Variants in TRAPPC12 observed in about 807,000 individuals in gnomAD.
The protein encoded by TRAPPC12 is TPR repeat protein 15.
TRAPPC12 carries 61 observed loss-of-function variants against 69.2 expected under a neutral mutation model. The observed-to-expected ratio is 0.88, with a 90% CI of 0.72 to 1.09. The LOEUF is 1.09. Ranked by LOEUF, TRAPPC12 falls within the 50% of genes least tolerant of loss-of-function variation. TRAPPC12 has a pLI of 0.00. For synonymous variants in TRAPPC12, 469 were observed against 438.9 expected, an observed-to-expected ratio of 1.07 and a Z score of -0.86; for missense variants, 1,101 against 1,016.4, an observed-to-expected ratio of 1.08 and a Z score of -1.13.
chr2:3,465,654 G>A lies in TRAPPC12; in HGVS notation c.1735G>A (p.Glu579Lys), dbSNP rs1436796623. 2 of 1,614,208 alleles carry A rather than the reference G, an allele frequency of 1.2e-6. No individual in the cohort carries two copies. Among genetic ancestry groups the A allele is most frequent in the South Asian group, 2.2e-5 (2 of 91,088 alleles). The change falls in exon 9 of 12, where the codon GAG (glutamate) becomes AAG (lysine). Residue 579 changes from glutamate to lysine, a missense_variant. Transcript: ENST00000324266. ...GGTTATCAAGTATTACCCAGAGCAA[G>A]AGCCCCAGCTGCTCAGCGGCATCGG... ...HSVIKYYPEQ[E>K]PQLLSGIGRI...
At chr2:3,427,753 C>T (rs1040530685) in intron 5 of TRAPPC12, among the ~76,000 whole-genome samples, 4 of 152,170 alleles carry the variant, frequency 2.6e-5, no homozygotes. Context: ...ATTAGCCGGA[C>T]ATGGTGGTGC....
At chr2:3,443,640 C>T (rs1423160798) in intron 5 of TRAPPC12, 139 bp from the exon 6 acceptor site, 5 of 702,214 alleles carry the variant, frequency 7.1e-6, no homozygotes, top group East Asian at 5.4e-5. Flanking sequence ...TAGTTGACAC[C>T]GTTAAATACT....
At chr2:3,418,394 A>G (rs1662570380) in intron 3 of TRAPPC12, among the ~76,000 whole-genome samples, 1 of 152,172 alleles carries the variant, frequency 6.6e-6, no homozygotes, top group Non-Finnish European at 1.5e-5. Flanking sequence ...GTCCTCAGGT[A>G]TCAGACGCAA....
chr2:3,469,282 C>T (rs1020042278), intron 9 of TRAPPC12, among the ~76,000 whole-genome samples: 11 of 152,162 alleles, frequency 7.2e-5, no homozygotes, highest in African/African-American at 1.4e-4. Flanking sequence ...GGTGCCACTA[C>T]GGAAGCAAAG....
At chr2:3,406,380 G>A (rs937904556) in intron 3 of TRAPPC12, among the ~76,000 whole-genome samples, 14 of 152,244 alleles carry the variant, frequency 9.2e-5, no homozygotes, top group African/African-American at 3.1e-4. Context: ...GTTCTTTACC[G>A]TATTTACAGA....
At chr2:3,468,510 G>C (rs2103159994) in intron 9 of TRAPPC12, among the ~76,000 whole-genome samples, 1 of 152,234 alleles carries the variant, frequency 6.6e-6, no homozygotes, top group Admixed American at 6.5e-5. Context: ...TCTGTGTCCT[G>C]CCTGGGACAT....
At chr2:3,383,637 C>G (rs1660333670) in intron 1 of TRAPPC12, among the ~76,000 whole-genome samples, 2 of 151,650 alleles carry the variant, frequency 1.3e-5, no homozygotes, top group Admixed American at 6.6e-5. Flanking sequence ...GAACTCCTGA[C>G]CTCGTGATAC....
At chr2:3,459,520 G>A (rs988573008) in intron 7 of TRAPPC12, among the ~76,000 whole-genome samples, 1 of 152,202 alleles carries the variant, frequency 6.6e-6, no homozygotes, top group East Asian at 1.9e-4. Flanking sequence ...AGGCCACAAA[G>A]CCAGTTTGGA....
intron 9 of TRAPPC12, 25 bp downstream of exon 9, chr2:3,465,720 G>A (rs993167710): frequency 2.6e-5 from 39 of 1,517,994 alleles, no homozygotes; most frequent in Non-Finnish European, 3.6e-5. Context: ...TCAGACATGA[G>A]CCAGAAAGGC....
At chr2:3,470,467 C>T (rs1666013448) in intron 9 of TRAPPC12, among the ~76,000 whole-genome samples, 1 of 152,386 alleles carries the variant, frequency 6.6e-6, no homozygotes, top group African/African-American at 2.4e-5. Flanking sequence ...TGATCACCCT[C>T]TCAGCTGATA....
In TRAPPC12 at chr2:3,414,563, C is replaced by T. The variant is rs1177501033; in HGVS notation, c.1165-7318C>T. ...TGACCCCATCCCCCAGCTGTCCCCG[C>T]TGTGCAGTGCCTTGAACGTGCTCTG... On this transcript the variant is annotated intron_variant, in intron 3 of 11. Transcript: ENST00000324266. The surrounding 1 kb of genome is among the most constrained non-coding windows in gnomAD (Gnocchi z 4.9). 6.6e-6 allele frequency among the ~76,000 whole-genome samples: 1 copy of T among 151,574 alleles called. No homozygotes were observed. The highest frequency in any genetic ancestry group is 1.5e-5 in the Non-Finnish European group (1 of 67,926).
chr2:3,406,979 T>C (rs557628964), intron 3 of TRAPPC12, among the ~76,000 whole-genome samples: 3 of 152,288 alleles, frequency 2.0e-5, no homozygotes, highest in East Asian at 3.9e-4. Flanking sequence ...AGGTGAAAAA[T>C]GTATTTATGA....
intron 3 of TRAPPC12, among the ~76,000 whole-genome samples, chr2:3,418,646 CTG>C (rs1273754061): frequency 6.6e-6 from 1 of 152,168 alleles, no homozygotes; most frequent in Admixed American, 6.5e-5. Flanking sequence ...AGGCTGGGCT[CTG>C]GGTTCCTGTG....
At chr2:3,475,508 G>C (rs1395283435) in intron 9 of TRAPPC12, among the ~76,000 whole-genome samples, 1 of 140,024 alleles carries the variant, frequency 7.1e-6, no homozygotes, top group Non-Finnish European at 1.6e-5. Flanking sequence ...TTTTTCAGTT[G>C]CTCCTAACTT....
intron 3 of TRAPPC12, among the ~76,000 whole-genome samples, chr2:3,415,185 C>T (rs2103499452): frequency 6.6e-6 from 1 of 152,324 alleles, no homozygotes; most frequent in South Asian, 2.1e-4. Flanking sequence ...AAGCGCTCCC[C>T]TTTCGGTGGG....
rs1456968558 is a variant in TRAPPC12 at position 3,401,816 on chromosome 2, G to A, written c.1087G>A (p.Glu363Lys). 4 of 1,600,378 alleles carry A rather than the reference G, an allele frequency of 2.5e-6. No individual in the cohort carries two copies. The highest frequency in any genetic ancestry group is 3.4e-6 in the Non-Finnish European group (4 of 1,175,254). The change falls in exon 3 of 12, where the codon GAA (glutamate) becomes AAA (lysine). Residue 363 changes from glutamate (E) to lysine (K), a missense_variant. Coordinates refer to ENST00000324266, the MANE Select transcript of TRAPPC12 (RefSeq NM_016030.6). ...VKDLMLRFLG[E>K]KAAAKRQVLN... ...AGACTTGATGCTTCGCTTTCTGGGTGAAAAAGCTGCAGCAAAGAGACAAGT... is the reference window on the plus strand; with the variant it reads ...AGACTTGATGCTTCGCTTTCTGGGTAAAAAAGCTGCAGCAAAGAGACAAGT...
chr2:3,415,720 CTT>C (rs71396990), intron 3 of TRAPPC12, among the ~76,000 whole-genome samples: 15 of 134,232 alleles, frequency 1.1e-4, no homozygotes, highest in South Asian at 2.4e-4. Context: ...CACTTCTTTT[CTT>C]TTTTTTTTTT....
At chr2:3,444,677 AT>A (rs1664415532) in intron 6 of TRAPPC12, among the ~76,000 whole-genome samples, 1 of 152,248 alleles carries the variant, frequency 6.6e-6, no homozygotes, top group East Asian at 1.9e-4. Flanking sequence ...TTCTTGTCAG[AT>A]TCCTCCTTTC....
At chr2:3,457,976 T>A in intron 7 of TRAPPC12, 1 of 1,286,564 alleles carries the variant, frequency 7.8e-7, no homozygotes, top group Non-Finnish European at 9.8e-7. Context: ...CTGAGTGGTC[T>A]GAGTGGGCGC....
Sources: gnomAD v4.1 joint callset for allele counts (sites outside exome capture counted in the v4.1 genomes callset) on GRCh38, gnomAD v4.1.1 for gene constraint, Gnocchi (gnomAD v3.1) non-coding constraint, MANE v1.5 for transcripts, NCBI Gene and HGNC (gene_info 2026-07-23, HGNC 2026-07-21) for gene names.